CASZ1: variants seen among roughly 807,000 people sequenced by gnomAD.
CASZ1 encodes the protein castor zinc finger 1.
CASZ1 carries 28 observed loss-of-function variants against 135.2 expected under a neutral mutation model. That is an observed-to-expected ratio of 0.21 (90% CI 0.15 to 0.28). The LOEUF is 0.28. CASZ1 is among the 10% of genes least tolerant of loss of function. The probability of loss-of-function intolerance (pLI) is 1.00; values close to 1 mark genes in which losing one functional copy is unlikely to be tolerated. For synonymous variants in CASZ1, 1,068 were observed against 1,073.4 expected, an observed-to-expected ratio of 0.99 and a Z score of 0.10; for missense variants, 2,161 against 2,453.3, an observed-to-expected ratio of 0.88 and a Z score of 2.52.
chr1:10,740,354 C>T (rs897945230), intron 2 of CASZ1, among the ~76,000 whole-genome samples: 1 of 152,246 alleles, frequency 6.6e-6, no homozygotes, highest in Non-Finnish European at 1.5e-5. Flanking sequence ...CTAATCCATG[C>T]GCCCCAGCCC....
At chr1:10,728,695 A>T (rs1021518605) in intron 2 of CASZ1, among the ~76,000 whole-genome samples, 3 of 151,914 alleles carry the variant, frequency 2.0e-5, no homozygotes, top group African/African-American at 7.3e-5. Flanking sequence ...GCTTGAAAAA[A>T]AGCCTCGTTA....
At chr1:10,692,302 G>A (rs2100404045) in intron 4 of CASZ1, among the ~76,000 whole-genome samples, 1 of 152,364 alleles carries the variant, frequency 6.6e-6, no homozygotes, top group African/African-American at 2.4e-5. Flanking sequence ...TGGGTCCTGT[G>A]TGCTGGCCCA....
Position 10,660,181 on chromosome 1 carries a change from G to A in CASZ1, c.861C>T (p.Thr287=). 1.2e-6 allele frequency: 2 copies of A among 1,613,686 alleles called. No homozygotes were observed. Among genetic ancestry groups the A allele is most frequent in the Non-Finnish European group, 8.5e-7 (1 of 1,179,940 alleles). The part of the protein sequence containing the change: ...RLPSSTAHLE[T]KATILPLPSH... Reference sequence around the variant, plus strand: ...ACGGCAGGGGCAGGATGGTGGCCTTGGTCTCCAGGTGGGCCGTGCTGCTGG... The same window carrying A: ...ACGGCAGGGGCAGGATGGTGGCCTTAGTCTCCAGGTGGGCCGTGCTGCTGG... Residue 287 remains threonine, a synonymous_variant, in exon 6 of 21, where the codon ACC becomes ACT. Transcript: ENST00000377022.
rs1331618967 is a variant in CASZ1, at chr1:10,665,152, G to A, written c.436C>T (p.Leu146=). The change falls in exon 5 of 21, where the codon CTG becomes TTG. Residue 146 remains leucine, a synonymous_variant. Transcript: ENST00000377022. ...GCCCCGTCCGAATCCTTCTCCTCCAGGGCACCGCCGTCCTTGGAGGGCTCC... is the reference window on the plus strand; with the variant it reads ...GCCCCGTCCGAATCCTTCTCCTCCAAGGCACCGCCGTCCTTGGAGGGCTCC... ...AEEPSKDGGA[L]EEKDSDGAAS... 6.5e-7 allele frequency: 1 copy of A among 1,540,132 alleles called. No individual in the cohort carries two copies. Among genetic ancestry groups the A allele is most frequent in the South Asian group, 1.3e-5 (1 of 79,164 alleles).
intron 5 of CASZ1, among the ~76,000 whole-genome samples, chr1:10,663,229 C>A (rs556711277): frequency 4.7e-4 from 72 of 152,236 alleles, no homozygotes; most frequent in Non-Finnish European, 7.1e-4. Context: ...CTCAGAGACA[C>A]CTGGGATGGG....
At chr1:10,662,250 C>T (rs575086180) in intron 5 of CASZ1, among the ~76,000 whole-genome samples, 1 of 137,906 alleles carries the variant, frequency 7.3e-6, no homozygotes, top group Admixed American at 7.0e-5. Flanking sequence ...CATTGACACC[C>T]ACCCACCCCC....
rs938482390 is a variant in CASZ1, at chr1:10,724,875, T to C, written c.-76-19331A>G. ...GGGAAGAGAAGGTGCTCAACTTCTC[T>C]CTTTCTCCTCTTTCTCTGAAGTTTC... On this transcript the variant is annotated intron_variant, in intron 2 of 20. Coordinates refer to ENST00000377022, the MANE Select transcript of CASZ1 (RefSeq NM_001079843.3). This position sits in a 1 kb window ranked among gnomAD's most constrained non-coding sequence, Gnocchi z 4.1. 2.0e-5 allele frequency among the ~76,000 whole-genome samples: 3 copies of C among 151,816 alleles called. No individual in the cohort carries two copies. The highest frequency in any genetic ancestry group is 7.3e-5 in the African/African-American group (3 of 41,082).
intron 2 of CASZ1, among the ~76,000 whole-genome samples, chr1:10,748,112 C>T (rs1640080009): frequency 6.6e-6 from 1 of 152,154 alleles, no homozygotes; most frequent in South Asian, 2.1e-4. Flanking sequence ...GCCACTGCGC[C>T]CGGCCATGTG....
At chr1:10,691,071 C>T (rs1254173217) in intron 4 of CASZ1, among the ~76,000 whole-genome samples, 2 of 134,822 alleles carry the variant, frequency 1.5e-5, no homozygotes, top group East Asian at 4.0e-4. Flanking sequence ...CTCCTCTCTT[C>T]CTCTCTCCCC....
intron 1 of CASZ1, among the ~76,000 whole-genome samples, chr1:10,773,763 C>T (rs205477): frequency 0.71 from 107,778 of 151,890 alleles, 38,846 homozygotes; most frequent in Non-Finnish European, 0.77. Context: ...GCTTGTGAGG[C>T]ACCCTGTCCC....
chr1:10,730,994 T>C (rs1486135973), intron 2 of CASZ1, among the ~76,000 whole-genome samples: 1 of 152,008 alleles, frequency 6.6e-6, no homozygotes, highest in Non-Finnish European at 1.5e-5. Flanking sequence ...TAATCCCAGC[T>C]ACTTGGGAGG....
At chr1:10,702,607 G>T (rs759651352) in intron 3 of CASZ1, among the ~76,000 whole-genome samples, 18 of 151,988 alleles carry the variant, frequency 1.2e-4, no homozygotes, top group Non-Finnish European at 2.5e-4. Flanking sequence ...AGGGAGCTTG[G>T]AGAGGGAGAC....
At chr1:10,715,658 G>A (rs112744945) in intron 2 of CASZ1, among the ~76,000 whole-genome samples, 16,198 of 85,010 alleles carry the variant, frequency 0.19, 1,406 homozygotes, top group African/African-American at 0.37. Flanking sequence ...CACCCAATCC[G>A]CACCCCACAG....
chr1:10,653,503 C>T lies in CASZ1; in HGVS notation c.2554G>A (p.Ala852Thr). 1 of 1,610,808 alleles carries T rather than the reference C, an allele frequency of 6.2e-7. No individual in the cohort carries two copies. Among genetic ancestry groups the T allele is most frequent in the Non-Finnish European group, 8.5e-7 (1 of 1,178,432 alleles). ...SGAGDSAPVA[A>T]ASVPAPPASI... ...GCGGGTGGTGCCGGGACAGAGGCGG[C>T]AGCCACGGGGGCTGAGTCTCCAGCT... The change falls in exon 11 of 21, where the codon GCC becomes ACC. Residue 852 changes from alanine (A) to threonine (T), a missense_variant. Ala to Thr is a moderately conservative substitution (Grantham distance 58). This residue lies in a region of CASZ1 where 406 missense variants were observed against 387.6 expected (regional missense o/e 1.05). Transcript: ENST00000377022.
chr1:10,749,112 C>T (rs1640101685), intron 2 of CASZ1, among the ~76,000 whole-genome samples: 1 of 152,176 alleles, frequency 6.6e-6, no homozygotes. Flanking sequence ...AGCAGGAGCC[C>T]TGCTAATTAA....
intron 4 of CASZ1, among the ~76,000 whole-genome samples, chr1:10,690,677 A>AC (rs1031995193): frequency 2.1e-4 from 32 of 151,942 alleles, no homozygotes; most frequent in Non-Finnish European, 1.3e-4. Flanking sequence ...CCTCACCGGC[A>AC]CCCCCTGCAG....
intron 1 of CASZ1, among the ~76,000 whole-genome samples, chr1:10,768,138 G>C (rs1232923558): frequency 6.6e-6 from 1 of 152,208 alleles, no homozygotes; most frequent in African/African-American, 2.4e-5. Context: ...ATCTCAGGAG[G>C]CTCCCCCAGG....
At chr1:10,668,603 G>A (rs905137754) in intron 4 of CASZ1, among the ~76,000 whole-genome samples, 5 of 152,268 alleles carry the variant, frequency 3.3e-5, no homozygotes, top group African/African-American at 9.6e-5. Context: ...ACTCTCTGCT[G>A]GTGGCGGTGC....
chr1:10,692,134 C>T (rs1353824747), intron 4 of CASZ1, among the ~76,000 whole-genome samples: 1 of 152,230 alleles, frequency 6.6e-6, no homozygotes, highest in South Asian at 2.1e-4. Flanking sequence ...GCCCTCGCTC[C>T]AGTCAGGACA....
Sources: allele counts gnomAD v4.1 joint callset (sites outside exome capture counted in the v4.1 genomes callset), GRCh38; gene constraint gnomAD v4.1.1; regional missense constraint gnomAD v4.1.1; non-coding constraint Gnocchi (gnomAD v3.1); transcripts MANE v1.5; gene names NCBI Gene and HGNC (gene_info 2026-07-23, HGNC 2026-07-21).